Variants in ESR2 observed in about 807,000 individuals in gnomAD.
ESR2 encodes estrogen receptor beta.
In ESR2, 36 loss-of-function variants were observed where a neutral mutation model predicts 49.6. That is an observed-to-expected ratio of 0.73 (90% CI 0.56 to 0.96). The LOEUF is 0.96. Ranked by LOEUF, ESR2 falls within the 40% of genes least tolerant of loss-of-function variation. ESR2 has a pLI of 0.00. For missense variants in ESR2, 714 were observed against 693.0 expected (o/e 1.03, Z -0.34); for synonymous variants, 320 against 266.1 (o/e 1.20, Z -1.97).
intron 1 of ESR2, among the ~76,000 whole-genome samples, chr14:64,332,779 G>A (rs1310663529): frequency 2.8e-5 from 4 of 144,616 alleles, no homozygotes; most frequent in African/African-American, 7.7e-5. Flanking sequence ...CAGCCTGGGG[G>A]ACAGAGTGAG....
chr14:64,282,631 C>G lies in ESR2; in HGVS notation c.355G>C (p.Val119Leu). ...EARSLEHTLP[V>L]NRETLKRKVS... ...AATGAAGACTGGACTTACCTGTTTA[C>G]AGGTAAGGTGTGTTCTAGCGATCTT... Residue 119 changes from valine (V) to leucine (L), a missense_variant, in exon 2 of 9, where the codon GTA becomes CTA. Coordinates refer to ENST00000341099, the MANE Select transcript of ESR2 (RefSeq NM_001437.3). 1 of 1,594,938 alleles carries G rather than the reference C, an allele frequency of 6.3e-7. No homozygotes were observed.
downstream of ESR2, chr14:64,227,460 A>G: frequency 4.6e-6 from 7 of 1,517,596 alleles, no homozygotes; most frequent in Admixed American, 3.7e-5. Flanking sequence ...ATGGATTACA[A>G]TGATCCCAGA....
At chr14:64,334,872 T>TCCTG (rs1363935903) in intron 1 of ESR2, among the ~76,000 whole-genome samples, 1 of 152,194 alleles carries the variant, frequency 6.6e-6, no homozygotes, top group Non-Finnish European at 1.5e-5. Flanking sequence ...GTCTCAAAAC[T>TCCTG]CCTGACCTCA....
chr14:64,287,872 C>T (rs1161281222), intron 1 of ESR2, among the ~76,000 whole-genome samples: 7 of 152,184 alleles, frequency 4.6e-5, no homozygotes, highest in Non-Finnish European at 1.0e-4. Context: ...AATGTTCAAA[C>T]ATGGCCTCAG....
intron 4 of ESR2, among the ~76,000 whole-genome samples, chr14:64,264,455 T>A (rs182865580): frequency 1.6e-4 from 23 of 146,364 alleles, no homozygotes; most frequent in African/African-American, 4.9e-4. Context: ...GAGCAAAATG[T>A]ATGTTTTTCT....
chr14:64,236,646 C>T (rs529122694), intron 7 of ESR2, among the ~76,000 whole-genome samples: 34 of 152,210 alleles, frequency 2.2e-4, no homozygotes, highest in Non-Finnish European at 3.7e-4. Context: ...TCCGAACATG[C>T]TCAACTTGCT....
At chr14:64,240,899 C>T (rs1206720820) in intron 7 of ESR2, among the ~76,000 whole-genome samples, 5 of 151,984 alleles carry the variant, frequency 3.3e-5, no homozygotes, top group African/African-American at 4.8e-5. Flanking sequence ...AATCCCAGCA[C>T]TTTGGGAGGC....
chr14:64,314,054 C>T (rs2077221365), intron 1 of ESR2, among the ~76,000 whole-genome samples: 1 of 152,038 alleles, frequency 6.6e-6, no homozygotes, highest in Non-Finnish European at 1.5e-5. Context: ...ATACTCCACC[C>T]TACAAGAGCA....
intron 6 of ESR2, among the ~76,000 whole-genome samples, chr14:64,252,301 G>A (rs1444395324): frequency 2.5e-5 from 2 of 81,264 alleles, no homozygotes; most frequent in East Asian, 4.7e-4. Context: ...CACAGAGCGG[G>A]ACCGTCTCTA....
At position 64,245,509 on chromosome 14, in the gene ESR2, CAAAAAAAAAAAAA is replaced by C. The variant is rs56160081; in HGVS notation, c.1225+4024_1225+4036del. ...CCTGGGCGACAGGGCAAGACTCTGT[CAAAAAAAAAAAAA>C]AAAAAAAAAAAAAAGATTTCTTAAA... On this transcript the variant is annotated intron_variant, in intron 7 of 8. Coordinates refer to ENST00000341099, the MANE Select transcript of ESR2 (RefSeq NM_001437.3). Among the ~76,000 whole-genome samples the C allele has an allele frequency of 3.4e-3, 225 of 65,492 alleles. 1 individual carries two copies. Among genetic ancestry groups the C allele is most frequent in the South Asian group, 0.011 (14 of 1,246 alleles). 43.0% of individuals were successfully genotyped at this position (65,492 alleles called of 152,430 possible).
intron 1 of ESR2, chr14:64,331,018 T>C (rs2077451116): frequency 6.6e-6 from 1 of 151,672 alleles, no homozygotes; most frequent in Non-Finnish European, 1.5e-5. Context: ...AGTAGCAGTA[T>C]GGTGGACTTA....
intron 1 of ESR2, among the ~76,000 whole-genome samples, chr14:64,315,674 G>A (rs1366304489): frequency 1.6e-5 from 2 of 121,670 alleles, no homozygotes; most frequent in East Asian, 2.4e-4. Flanking sequence ...TTTTTTTTTT[G>A]AGATGGAGTC....
intron 7 of ESR2, among the ~76,000 whole-genome samples, chr14:64,242,467 T>A (rs1184147039): frequency 2.0e-5 from 3 of 149,544 alleles, no homozygotes; most frequent in African/African-American, 4.9e-5. Flanking sequence ...TATATATATA[T>A]AAAATCATAT....
intron 6 of ESR2, among the ~76,000 whole-genome samples, chr14:64,255,864 A>G (rs969143329): frequency 6.6e-6 from 1 of 152,226 alleles, no homozygotes; most frequent in Admixed American, 6.5e-5. Context: ...TTCAAGTCAC[A>G]TCAGTCCTCC....
chr14:64,242,451 A>ATATAT (rs1555571835), intron 7 of ESR2, among the ~76,000 whole-genome samples: 1 of 126,622 alleles, frequency 7.9e-6, no homozygotes, highest in African/African-American at 2.8e-5. Context: ...AAACAAAAAA[A>ATATAT]ATATATATAT....
At chr14:64,286,321 C>G (rs73267889) in intron 1 of ESR2, among the ~76,000 whole-genome samples, 10,222 of 151,458 alleles carry the variant, frequency 0.067, 856 homozygotes, top group African/African-American at 0.19. Context: ...TTTTTTTTTA[C>G]ATGGAGTTTC....
chr14:64,271,935 G>A (rs573822779), intron 3 of ESR2, among the ~76,000 whole-genome samples: 49 of 152,316 alleles, frequency 3.2e-4, no homozygotes, highest in African/African-American at 1.1e-3. Flanking sequence ...TGGGATTGCT[G>A]GATCATATGG....
rs1303967512 is a variant in ESR2, at chr14:64,232,172, TC to T, written c.*964del. On this transcript the variant is annotated 3_prime_UTR_variant, in exon 9 of 9. Coordinates refer to ENST00000341099, the MANE Select transcript of ESR2 (RefSeq NM_001437.3). ...TCCATAAAACAGCACACTGCACACA[TC>T]CACAGCCCAAAGTATCCCTGACTAC... 1 of 152,244 alleles carries T rather than the reference TC, an allele frequency of 6.6e-6. No individual in the cohort carries two copies. Among genetic ancestry groups the T allele is most frequent in the African/African-American group, 2.4e-5 (1 of 41,434 alleles). The allele number at this position is 152,244 out of a possible 1,614,324, so 9.4% of individuals were successfully genotyped here.
At chr14:64,282,323 T>G (rs2076689826) in intron 2 of ESR2, among the ~76,000 whole-genome samples, 1 of 152,116 alleles carries the variant, frequency 6.6e-6, no homozygotes, top group Non-Finnish European at 1.5e-5. Flanking sequence ...CCAGTCTGAG[T>G]GACAGAGCGA....
Sources: gnomAD v4.1 joint callset for allele counts (sites outside exome capture counted in the v4.1 genomes callset) on GRCh38, gnomAD v4.1.1 for gene constraint, MANE v1.5 for transcripts, NCBI Gene and HGNC (gene_info 2026-07-23, HGNC 2026-07-21) for gene names.